TFEB: variants seen among roughly 807,000 people sequenced by gnomAD.
The protein encoded by TFEB is T-cell transcription factor EB.
A neutral mutation model predicts 48.0 loss-of-function variants in TFEB; 12 were observed. The ratio of observed to expected loss-of-function variants is 0.25; its 90% confidence interval spans 0.16 to 0.40. The LOEUF is 0.40. Among genes scored for constraint, TFEB ranks in the 10% least tolerant of loss-of-function variants. TFEB has a pLI of 1.00. For missense variants in TFEB, 509 were observed against 640.3 expected (o/e 0.79, Z 2.21); for synonymous variants, 244 against 261.4 (o/e 0.93, Z 0.64).
rs1386801729 is a variant in TFEB, at chr6:41,684,886, G to T, written c.1144C>A (p.Pro382Thr). 1.3e-6 allele frequency: 2 copies of T among 1,571,492 alleles called. No individual in the cohort carries two copies. The highest frequency in any genetic ancestry group is 1.2e-5 in the South Asian group (1 of 84,134). Residue 382 changes from proline to threonine, a missense_variant, in exon 9 of 9, where the codon CCC becomes ACC. Transcript: ENST00000373033. ...GGGGATGGTGGCTGGGTGGGCAGGG[G>T]CAGCGGGGCTTGCGGGGGCAGAGCT... Reference protein sequence around the residue: ...LPALPPQAPLPLPTQPPSPFH... With the variant: ...LPALPPQAPLTLPTQPPSPFH...
At position 41,684,445 on chromosome 6, in the gene TFEB, A is replaced by T; in HGVS notation, c.*154T>A. ...CTCCTGACCCCACAGGCTGCCAGAC[A>T]GGCACTAAGTCCAAACAGGGGCCAA... On this transcript the variant is annotated 3_prime_UTR_variant, in exon 9 of 9. Coordinates refer to ENST00000373033, the MANE Select transcript of TFEB (RefSeq NM_001271944.2). The T allele has an allele frequency of 2.1e-6, 2 of 937,850 alleles. No homozygotes were observed. Among genetic ancestry groups the T allele is most frequent in the Non-Finnish European group, 2.9e-6 (2 of 683,802 alleles). The allele number at this position is 937,850 out of a possible 1,614,324, so 58.1% of individuals were successfully genotyped here.
chr6:41,735,939 A>G (rs1158826270), upstream of TFEB, among the ~76,000 whole-genome samples: 1 of 152,170 alleles, frequency 6.6e-6, no homozygotes, highest in Non-Finnish European at 1.5e-5. Context: ...AGGGTCCCAG[A>G]TGGTGTGCTG....
intron 1 of TFEB, chr6:41,732,518 T>C: frequency 1.1e-6 from 1 of 928,790 alleles, no homozygotes; most frequent in Non-Finnish European, 1.3e-6. Context: ...CTTGTTTTAT[T>C]GTTACACTCT....
At chr6:41,685,380 G>A (rs1768945976) in intron 8 of TFEB, among the ~76,000 whole-genome samples, 1 of 152,196 alleles carries the variant, frequency 6.6e-6, no homozygotes, top group South Asian at 2.1e-4. Flanking sequence ...AGAATGCATT[G>A]CATCTATTAA....
chr6:41,699,705 G>A (rs540444638), intron 1 of TFEB, among the ~76,000 whole-genome samples: 1 of 152,182 alleles, frequency 6.6e-6, no homozygotes, highest in Non-Finnish European at 1.5e-5. Context: ...TATTATATTA[G>A]CTGGCAACTT....
chr6:41,735,994 G>A (rs1267219314), upstream of TFEB, among the ~76,000 whole-genome samples: 1 of 152,208 alleles, frequency 6.6e-6, no homozygotes, highest in African/African-American at 2.4e-5. Flanking sequence ...CTTCTCTTCA[G>A]GAGTAGGGTG....
chr6:41,732,508 C>G, intron 1 of TFEB: 1 of 872,254 alleles, frequency 1.1e-6, no homozygotes, highest in Non-Finnish European at 1.4e-6. Context: ...TTAATATAAT[C>G]TTGTTTTATT....
At chr6:41,690,569 C>T (rs1769248508) in intron 3 of TFEB, 94 bp downstream of exon 3, 2 of 1,381,018 alleles carry the variant, frequency 1.4e-6, no homozygotes, top group East Asian at 2.6e-5. Flanking sequence ...CCTGAAGGCA[C>T]CCCTGCCTCT....
chr6:41,684,489 GGCAGGT>G lies in TFEB; in HGVS notation c.*104_*109del. 2 of 1,324,206 alleles carry G rather than the reference GGCAGGT, an allele frequency of 1.5e-6. No homozygotes were observed. The highest frequency in any genetic ancestry group is 5.7e-5 in the East Asian group (2 of 35,294). The allele number at this position is 1,324,206 out of a possible 1,614,324, so 82.0% of individuals were successfully genotyped here. A position where few individuals can be genotyped will look rare whatever the true frequency, so the allele number is the denominator to read the frequency against. ...GGGCCAACGGGGAGGAGGGAGGCAGGGCAGGTGGCTACTTCACACACAGTGCAGCCT... is the reference window on the plus strand; with the variant it reads ...GGGCCAACGGGGAGGAGGGAGGCAGGGGCTACTTCACACACAGTGCAGCCT... On this transcript the variant is annotated 3_prime_UTR_variant, in exon 9 of 9. Transcript: ENST00000373033.
intron 1 of TFEB, among the ~76,000 whole-genome samples, chr6:41,704,880 GC>G (rs1372132466): frequency 6.6e-6 from 1 of 152,244 alleles, no homozygotes; most frequent in African/African-American, 2.4e-5. Flanking sequence ...AGAATGCAAG[GC>G]TGCAGGTGGG....
At chr6:41,702,081 C>T (rs1205287417) in intron 1 of TFEB, among the ~76,000 whole-genome samples, 1 of 152,104 alleles carries the variant, frequency 6.6e-6, no homozygotes, top group Non-Finnish European at 1.5e-5. Context: ...TAACCTGGGG[C>T]CCATAGGAAA....
intron 1 of TFEB, among the ~76,000 whole-genome samples, chr6:41,694,007 C>A (rs536535743): frequency 6.6e-6 from 1 of 152,038 alleles, no homozygotes; most frequent in Non-Finnish European, 1.5e-5. Context: ...CTCACCCCCC[C>A]ACCCTTGGGG....
rs1771598280 is a variant in TFEB, at chr6:41,734,697, A to G, written c.-23+653T>C. 6.6e-6 allele frequency among the ~76,000 whole-genome samples: 1 copy of G among 151,168 alleles called. No individual in the cohort carries two copies. The highest frequency in any genetic ancestry group is 1.5e-5 in the Non-Finnish European group (1 of 67,758). On this transcript the variant is annotated intron_variant, in intron 1 of 8. Transcript: ENST00000373033. The surrounding 1 kb of genome is among the most constrained non-coding windows in gnomAD (Gnocchi z 4.0). ...GTCATAGAATAACCCACGGGGAGAA[A>G]GAGACTGCCCAGGGACTCGAGGGGA...
At chr6:41,686,508 CT>C (rs34883692) in intron 7 of TFEB, 43,494 of 150,022 alleles carry the variant, frequency 0.29, 3,348 homozygotes, top group Middle Eastern at 0.35. Context: ...GCCTACCTTT[CT>C]TTTTTTTTTT....
At chr6:41,732,388 A>G (rs1342490372) in intron 1 of TFEB, among the ~76,000 whole-genome samples, 1 of 152,248 alleles carries the variant, frequency 6.6e-6, no homozygotes, top group Non-Finnish European at 1.5e-5. Context: ...TAATGCAAAC[A>G]GTAATTCCCA....
intron 4 of TFEB, among the ~76,000 whole-genome samples, chr6:41,689,306 A>G (rs1173763491): frequency 1.3e-5 from 2 of 152,144 alleles, no homozygotes. Context: ...AGACACAGAC[A>G]GGCTTTTGCC....
At chr6:41,731,173 C>G (rs868860540) in intron 1 of TFEB, among the ~76,000 whole-genome samples, 1 of 152,194 alleles carries the variant, frequency 6.6e-6, no homozygotes, top group Non-Finnish European at 1.5e-5. Flanking sequence ...CACGACAGCA[C>G]TAGTAGGTGG....
At chr6:41,685,994 G>C in intron 8 of TFEB, 96 bp downstream of exon 8, 1 of 1,500,682 alleles carries the variant, frequency 6.7e-7, no homozygotes, top group South Asian at 1.2e-5. Flanking sequence ...CATTATTCCT[G>C]TGTCTCCAAC....
intron 1 of TFEB, chr6:41,732,647 A>G (rs992017108): frequency 1.0e-6 from 1 of 985,898 alleles, no homozygotes; most frequent in African/African-American, 1.7e-5. Flanking sequence ...TCATGTACTC[A>G]CCATGTACCA....
Sources: gnomAD v4.1 joint callset for allele counts (sites outside exome capture counted in the v4.1 genomes callset) on GRCh38, gnomAD v4.1.1 for gene constraint, Gnocchi (gnomAD v3.1) non-coding constraint, MANE v1.5 for transcripts, NCBI Gene and HGNC (gene_info 2026-07-23, HGNC 2026-07-21) for gene names.